Variants in CADPS observed in about 807,000 individuals in gnomAD.
CADPS encodes calcium dependent secretion activator.
CADPS carries 57 observed loss-of-function variants against 167.3 expected under a neutral mutation model. The observed-to-expected ratio is 0.34, with a 90% CI of 0.28 to 0.42. The LOEUF (loss-of-function observed/expected upper bound fraction) is 0.42. Ranked by LOEUF, CADPS falls within the 20% of genes least tolerant of loss-of-function variation. CADPS has a pLI of 1.00. For missense variants in CADPS, 1,414 were observed against 1,738.1 expected (o/e 0.81, Z 3.32); for synonymous variants, 676 against 635.3 (o/e 1.06, Z -0.96).
intron 3 of CADPS, among the ~76,000 whole-genome samples, chr3:62,743,481 T>G (rs1464231178): frequency 6.6e-6 from 1 of 152,184 alleles, no homozygotes; most frequent in African/African-American, 2.4e-5. Flanking sequence ...AATTTGGAAT[T>G]TTATGTATGA....
intron 1 of CADPS, among the ~76,000 whole-genome samples, chr3:62,817,924 G>A (rs553310175): frequency 1.1e-3 from 162 of 152,248 alleles, no homozygotes; most frequent in Middle Eastern, 6.8e-3. Flanking sequence ...AAAACAGGAT[G>A]TGGTTTAGGA....
At chr3:62,820,371 G>A (rs1417172888) in intron 1 of CADPS, among the ~76,000 whole-genome samples, 1 of 152,094 alleles carries the variant, frequency 6.6e-6, no homozygotes, top group Non-Finnish European at 1.5e-5. Flanking sequence ...CCTTGATCTG[G>A]AATTGCCTAC....
chr3:62,570,057 A>G (rs542532834), intron 9 of CADPS, among the ~76,000 whole-genome samples: 7 of 152,320 alleles, frequency 4.6e-5, no homozygotes, highest in African/African-American at 1.7e-4. Flanking sequence ...ATATACACAG[A>G]TATTCCCTGC....
chr3:62,556,318 C>G (rs1011275638), intron 10 of CADPS, among the ~76,000 whole-genome samples: 2 of 152,170 alleles, frequency 1.3e-5, no homozygotes, highest in African/African-American at 4.8e-5. Context: ...TATGAAAGAC[C>G]GAAGGGGTGG....
chr3:62,641,160 C>T, intron 6 of CADPS, among the ~76,000 whole-genome samples: 1 of 152,214 alleles, frequency 6.6e-6, no homozygotes, highest in Middle Eastern at 3.4e-3. Context: ...AACAGCACCA[C>T]CAGCCATGAA....
intron 28 of CADPS, among the ~76,000 whole-genome samples, chr3:62,427,070 G>A (rs765231123): frequency 2.1e-4 from 25 of 117,170 alleles, no homozygotes; most frequent in Non-Finnish European, 3.7e-4. Context: ...GCGAGACTCC[G>A]TATCAAAAAA....
intron 7 of CADPS, 30 bp from the exon 8 acceptor site, chr3:62,585,354 A>T (rs757621191): frequency 6.3e-7 from 1 of 1,590,300 alleles, no homozygotes; most frequent in South Asian, 1.1e-5. Flanking sequence ...AGCAACTAGA[A>T]AAGAGAAGCA....
At chr3:62,846,232 G>C (rs1370622650) in intron 1 of CADPS, among the ~76,000 whole-genome samples, 1 of 152,122 alleles carries the variant, frequency 6.6e-6, no homozygotes, top group Non-Finnish European at 1.5e-5. Context: ...CCCAGTCTCA[G>C]GTAGTTATTT....
intron 6 of CADPS, among the ~76,000 whole-genome samples, chr3:62,606,186 T>C (rs1321832284): frequency 6.6e-6 from 1 of 152,164 alleles, no homozygotes; most frequent in African/African-American, 2.4e-5. Flanking sequence ...GATTTGTTCA[T>C]GCGATTACTC....
At position 62,874,801 on chromosome 3, in the gene CADPS, C is replaced by T. The variant is rs2153228096; in HGVS notation, c.229G>A (p.Gly77Arg). 1 of 1,192,824 alleles carries T rather than the reference C, an allele frequency of 8.4e-7. No homozygotes were observed. Among genetic ancestry groups the T allele is most frequent in the Non-Finnish European group, 1.1e-6 (1 of 929,622 alleles). 73.9% of individuals were successfully genotyped at this position (1,192,824 alleles called of 1,614,324 possible). A position where few individuals can be genotyped will look rare whatever the true frequency, so the allele number is the denominator to read the frequency against. The change falls in exon 1 of 30, where the codon GGG (glycine) becomes AGG (arginine). Residue 77 changes from glycine to arginine, a missense_variant. Coordinates refer to ENST00000383710, the MANE Select transcript of CADPS (RefSeq NM_003716.4). This position sits in a 1 kb window ranked among gnomAD's most constrained non-coding sequence, Gnocchi z 7.1. ...CCAGCGCGGCTGCTGGGTTGCAGCC[C>T]CCCGGCCCCGCCGCCGCTGCTCGCG... Reference protein sequence around the residue: ...SGASSGGGAGGLQPSSRAGGG... With the variant: ...SGASSGGGAGRLQPSSRAGGG...
intron 1 of CADPS, among the ~76,000 whole-genome samples, chr3:62,828,311 G>GCTATCAAATGTGCA (rs2074433687): frequency 1.3e-5 from 2 of 152,286 alleles, no homozygotes; most frequent in South Asian, 4.1e-4. Context: ...ACTATTTTAA[G>GCTATCAAATGTGCA]CTATCAAATG....
intron 4 of CADPS, among the ~76,000 whole-genome samples, chr3:62,656,534 G>T (rs2071636585): frequency 6.6e-6 from 1 of 152,142 alleles, no homozygotes; most frequent in African/African-American, 2.4e-5. Flanking sequence ...TAGAGCTGAG[G>T]CAACTCTGGG....
At chr3:62,873,617 C>CTT (rs3047307) in intron 1 of CADPS, among the ~76,000 whole-genome samples, 30,935 of 132,094 alleles carry the variant, frequency 0.23, 3,890 homozygotes, top group Middle Eastern at 0.31. Flanking sequence ...AAATAGGCGC[C>CTT]TTTTTTTTTT....
intron 8 of CADPS, among the ~76,000 whole-genome samples, chr3:62,574,962 G>A (rs1381477894): frequency 6.6e-6 from 1 of 152,290 alleles, no homozygotes; most frequent in South Asian, 2.1e-4. Context: ...TAGGTACAAA[G>A]GGAAGTAGAT....
At chr3:62,492,240 T>C (rs1298283576) in intron 20 of CADPS, 50 bp downstream of exon 20, 59 of 1,525,094 alleles carry the variant, frequency 3.9e-5, no homozygotes, top group Non-Finnish European at 5.3e-5. Context: ...TAGTGATCTG[T>C]TTATCTGCAC....
At position 62,601,447 on chromosome 3, in the gene CADPS, T is replaced by C. The variant is rs2059954080; in HGVS notation, c.1326-8699A>G. Among the ~76,000 whole-genome samples, 2 of 152,218 alleles carry C rather than the reference T, an allele frequency of 1.3e-5. No homozygotes were observed. The highest frequency in any genetic ancestry group is 3.8e-4 in the East Asian group (2 of 5,198). ...CAGTTAAATTGCTGACTTGGCCTAA[T>C]GGAAATACTTTTATTTTCATTAGCA... is the stretch of plus-strand genomic sequence containing the variant. On this transcript the variant is annotated intron_variant, in intron 6 of 29. Coordinates refer to ENST00000383710, the MANE Select transcript of CADPS (RefSeq NM_003716.4). The surrounding 1 kb of genome is among the most constrained non-coding windows in gnomAD (Gnocchi z 4.3).
intron 11 of CADPS, among the ~76,000 whole-genome samples, chr3:62,537,865 T>C (rs1286570646): frequency 6.6e-6 from 1 of 152,088 alleles, no homozygotes; most frequent in Non-Finnish European, 1.5e-5. Context: ...CCTAAATCCA[T>C]GGTATGGTCA....
chr3:62,594,157 TTTTATTTATTTATTTA>T (rs2086727118), intron 6 of CADPS, among the ~76,000 whole-genome samples: 1 of 136,320 alleles, frequency 7.3e-6, no homozygotes, highest in East Asian at 2.3e-4. Context: ...TTTTTATTTT[TTTTATTTATTTATTTA>T]TTTTTTGAGA....
chr3:62,435,945 TTTTACTATTAA>T (rs1387542472), intron 28 of CADPS, among the ~76,000 whole-genome samples: 2 of 150,134 alleles, frequency 1.3e-5, no homozygotes. Context: ...TAATATTTCT[TTTTACTATTAA>T]TTTACTATTA....
Sources: gnomAD v4.1 joint callset for allele counts (sites outside exome capture counted in the v4.1 genomes callset) on GRCh38, gnomAD v4.1.1 for gene constraint, Gnocchi (gnomAD v3.1) non-coding constraint, MANE v1.5 for transcripts, NCBI Gene and HGNC (gene_info 2026-07-23, HGNC 2026-07-21) for gene names.